The following NPNT variants were observed in gnomAD, a reference collection of about 807,000 sequenced individuals.
NPNT encodes the protein nephronectin.
NPNT carries 45 observed loss-of-function variants against 68.6 expected under a neutral mutation model. The observed-to-expected ratio is 0.66, with a 90% CI of 0.52 to 0.84. The LOEUF (loss-of-function observed/expected upper bound fraction) is 0.84, where lower values mean the gene tolerates loss of function less well. Among genes scored for constraint, NPNT ranks in the 40% least tolerant of loss-of-function variants. The probability of loss-of-function intolerance (pLI) is 0.00; values close to 1 mark genes in which losing one functional copy is unlikely to be tolerated. For missense variants in NPNT, 672 were observed against 714.8 expected (o/e 0.94, Z 0.68); for synonymous variants, 233 against 253.3 (o/e 0.92, Z 0.76).
At chr4:105,958,364 G>T in intron 8 of NPNT, 107 bp from the exon 9 acceptor site, 1 of 542,406 alleles carries the variant, frequency 1.8e-6, no homozygotes, top group South Asian at 3.6e-5. Context: ...TCATCCAGAT[G>T]AATAAAATGA....
intron 6 of NPNT, 27 bp from the exon 7 acceptor site, chr4:105,940,487 C>A: frequency 6.3e-7 from 1 of 1,597,828 alleles, no homozygotes. Flanking sequence ...CTAAATAAGT[C>A]TCTTCTTTTC....
Position 105,895,551 on chromosome 4 carries a change from G to C in NPNT, c.-102G>C. ...CAGTAGCCCGGGCGGCGAGGGCTGG[G>C]GGTTCCTCGAGACTCTCAGAGGGGC... On this transcript the variant is annotated 5_prime_UTR_variant, in exon 1 of 12. Coordinates refer to ENST00000379987, the MANE Select transcript of NPNT (RefSeq NM_001033047.3). 1 of 947,574 alleles carries C rather than the reference G, an allele frequency of 1.1e-6. No homozygotes were observed. The highest frequency in any genetic ancestry group is 1.6e-6 in the Non-Finnish European group (1 of 629,028). 58.7% of individuals were successfully genotyped at this position (947,574 alleles called of 1,614,324 possible).
Position 105,938,276 on chromosome 4 carries a change from A to G in NPNT, c.386-25A>G, listed in dbSNP as rs776189561. On this transcript the variant is annotated intron_variant, in intron 4 of 11. Coordinates refer to ENST00000379987, the MANE Select transcript of NPNT (RefSeq NM_001033047.3). Reference sequence around the variant, plus strand: ...ACAGATTTTGTTTTCTACCTGTCTGAGTCAGCCAGTCACTCTCTTTCCAGG... The same window carrying G: ...ACAGATTTTGTTTTCTACCTGTCTGGGTCAGCCAGTCACTCTCTTTCCAGG... The G allele has an allele frequency of 2.5e-6, 4 of 1,608,834 alleles. No homozygotes were observed. The Admixed American group carries it at 6.8e-5, about 27-fold the overall frequency.
chr4:105,915,832 T>C lies in NPNT; in HGVS notation c.173-11504T>C, dbSNP rs1309062815. ...AGGCTATGATTTCATTTCTTTCCAC[T>C]ATTCTACTCAAACCTTCCTTCCTTT... On this transcript the variant is annotated intron_variant, in intron 2 of 11. Transcript: ENST00000379987. Among the ~76,000 whole-genome samples, 3 of 152,244 alleles carry C rather than the reference T, an allele frequency of 2.0e-5. No homozygotes were observed. The East Asian group carries it at 5.8e-4, about 29-fold the overall frequency.
chr4:105,970,461 GGAGAA>G lies in NPNT; in HGVS notation c.*1479_*1483del, dbSNP rs1195123612. The G allele has an allele frequency of 4.3e-6, 3 of 698,916 alleles. No individual in the cohort carries two copies. The African/African-American group carries it at 5.2e-5, about 12-fold the overall frequency. The allele number at this position is 698,916 out of a possible 1,614,324, so 43.3% of individuals were successfully genotyped here. A position where few individuals can be genotyped will look rare whatever the true frequency, so the allele number is the denominator to read the frequency against. On this transcript the variant is annotated 3_prime_UTR_variant, in exon 12 of 12. Coordinates refer to ENST00000379987, the MANE Select transcript of NPNT (RefSeq NM_001033047.3). ...TAAAGGAACTGGGATTATTGAGCCT[GGAGAA>G]GAGAAGACTGAGGGGCAAACCATTG... is the stretch of plus-strand genomic sequence containing the variant.
chr4:105,909,470 A>C (rs1173521683), intron 2 of NPNT, among the ~76,000 whole-genome samples: 1 of 152,234 alleles, frequency 6.6e-6, no homozygotes, highest in East Asian at 1.9e-4. Flanking sequence ...TAAAATTATG[A>C]AGAAATAATG....
chr4:105,906,529 A>C (rs555685527), intron 2 of NPNT, among the ~76,000 whole-genome samples: 4 of 152,234 alleles, frequency 2.6e-5, no homozygotes, highest in Non-Finnish European at 5.9e-5. Context: ...CAGAATATCT[A>C]GCTGTGATGG....
At chr4:105,933,031 T>A (rs538899557) in intron 3 of NPNT, among the ~76,000 whole-genome samples, 3 of 152,348 alleles carry the variant, frequency 2.0e-5, no homozygotes, top group South Asian at 4.1e-4. Context: ...ATTGGGGGTT[T>A]GATGCCTTTT....
intron 8 of NPNT, among the ~76,000 whole-genome samples, chr4:105,952,155 C>G (rs1426327189): frequency 2.6e-5 from 4 of 152,102 alleles, no homozygotes; most frequent in Non-Finnish European, 4.4e-5. Context: ...ACAGCCTATG[C>G]TGTTTTCTTG....
At chr4:105,919,346 A>T (rs1233363875) in intron 2 of NPNT, among the ~76,000 whole-genome samples, 1 of 152,094 alleles carries the variant, frequency 6.6e-6, no homozygotes, top group African/African-American at 2.4e-5. Context: ...ACACTTCAGC[A>T]TTCATCTCCA....
intron 8 of NPNT, among the ~76,000 whole-genome samples, chr4:105,946,461 A>C (rs1360258060): frequency 6.6e-6 from 1 of 152,188 alleles, no homozygotes; most frequent in African/African-American, 2.4e-5. Context: ...ACCCGCCCCC[A>C]ATATTTTAAC....
In NPNT at chr4:105,937,537, A is replaced by T. The variant is rs548783614; in HGVS notation, c.385+409A>T. 7.1e-4 allele frequency among the ~76,000 whole-genome samples: 108 copies of T among 151,302 alleles called. 1 individual carries two copies. Among genetic ancestry groups the T allele is most frequent in the African/African-American group, 2.6e-3 (106 of 41,374 alleles). Reference sequence around the variant, plus strand: ...CAGGTCTGTTTTGTAATTTTAAATCATTCATAAATATTTTCTTCATTTTTA... The same window carrying T: ...CAGGTCTGTTTTGTAATTTTAAATCTTTCATAAATATTTTCTTCATTTTTA... On this transcript the variant is annotated intron_variant, in intron 4 of 11. Coordinates refer to ENST00000379987, the MANE Select transcript of NPNT (RefSeq NM_001033047.3).
intron 10 of NPNT, among the ~76,000 whole-genome samples, chr4:105,966,182 C>A (rs984105247): frequency 2.6e-5 from 4 of 152,152 alleles, no homozygotes; most frequent in Non-Finnish European, 5.9e-5. Flanking sequence ...TATGGAAAAA[C>A]CAGTGTTGAA....
At chr4:105,913,722 A>G (rs1050325311) in intron 2 of NPNT, among the ~76,000 whole-genome samples, 2 of 152,210 alleles carry the variant, frequency 1.3e-5, no homozygotes, top group South Asian at 2.1e-4. Context: ...GAAATAATCA[A>G]TTGGAAGTAG....
intron 8 of NPNT, among the ~76,000 whole-genome samples, chr4:105,949,933 ATTGTCTTTTTG>A (rs1183499636): frequency 6.6e-6 from 1 of 152,124 alleles, no homozygotes; most frequent in Non-Finnish European, 1.5e-5. Flanking sequence ...GGCGATTTTC[ATTGTCTTTTTG>A]TTGTCTTTAT....
chr4:105,948,716 G>C (rs1730577963), intron 8 of NPNT, among the ~76,000 whole-genome samples: 1 of 152,024 alleles, frequency 6.6e-6, no homozygotes, highest in African/African-American at 2.4e-5. Flanking sequence ...AATCTCTCAG[G>C]CTCAAGCAAT....
intron 4 of NPNT, among the ~76,000 whole-genome samples, chr4:105,937,969 A>G (rs1232470261): frequency 2.0e-5 from 3 of 152,216 alleles, no homozygotes; most frequent in African/African-American, 7.2e-5. Context: ...CTGTTCCCCT[A>G]GAGAAATTTC....
At chr4:105,901,353 C>G (rs1165659328) in intron 2 of NPNT, among the ~76,000 whole-genome samples, 2 of 152,198 alleles carry the variant, frequency 1.3e-5, no homozygotes, top group Non-Finnish European at 2.9e-5. Context: ...TATGTTGAAG[C>G]TCTAAACTGC....
chr4:105,945,858 CAG>C (rs1174078891), intron 8 of NPNT, among the ~76,000 whole-genome samples: 5 of 152,176 alleles, frequency 3.3e-5, no homozygotes, highest in African/African-American at 9.7e-5. Flanking sequence ...GATATTAACT[CAG>C]AGATGATGTC....
Sources: allele counts gnomAD v4.1 joint callset (sites outside exome capture counted in the v4.1 genomes callset), GRCh38; gene constraint gnomAD v4.1.1; transcripts MANE v1.5; gene names NCBI Gene and HGNC (gene_info 2026-07-23, HGNC 2026-07-21).